The following COL10A1 variants were observed in gnomAD, a reference collection of about 807,000 sequenced individuals.
COL10A1 encodes collagen alpha-1(X) chain.
A neutral mutation model predicts 18.2 loss-of-function variants in COL10A1; 10 were observed. That is an observed-to-expected ratio of 0.55 (90% confidence interval 0.34 to 0.93). The LOEUF (loss-of-function observed/expected upper bound fraction) is 0.93, where lower values mean the gene tolerates loss of function less well. COL10A1 is among the 40% of genes least tolerant of loss of function. The pLI, the probability that COL10A1 is intolerant of heterozygous loss-of-function variation, is 0.02. For missense variants in COL10A1, 897 were observed against 853.5 expected, an observed-to-expected ratio of 1.05 and a Z score of -0.64; for synonymous variants, 330 against 316.6, an observed-to-expected ratio of 1.04 and a Z score of -0.45.
At chr6:116,145,884 A>G (rs757047325) in intron 1 of COL10A1, among the ~76,000 whole-genome samples, 2 of 152,232 alleles carry the variant, frequency 1.3e-5, no homozygotes, top group Non-Finnish European at 2.9e-5. Flanking sequence ...CATTTATGTG[A>G]TGGTATTTGA....
intron 1 of COL10A1, among the ~76,000 whole-genome samples, chr6:116,153,411 T>A (rs1780101280): frequency 6.6e-6 from 1 of 152,176 alleles, no homozygotes; most frequent in Admixed American, 6.5e-5. Flanking sequence ...GATGATACAT[T>A]CAGTTATCTT....
the COL10A1 span, among the ~76,000 whole-genome samples, chr6:116,194,057 AC>A: frequency 6.6e-6 from 1 of 152,006 alleles, no homozygotes; most frequent in African/African-American, 2.4e-5. Context: ...AACAACAACA[AC>A]AACAAAAGAA....
upstream of COL10A1, among the ~76,000 whole-genome samples, chr6:116,128,885 T>C (rs1206810376): frequency 1.3e-5 from 2 of 152,192 alleles, no homozygotes; most frequent in East Asian, 1.9e-4. Flanking sequence ...ATTAGTTACA[T>C]TGGTTTTTGT....
chr6:116,146,645 AGTTAT>A (rs1312153282), intron 1 of COL10A1, among the ~76,000 whole-genome samples: 2 of 152,370 alleles, frequency 1.3e-5, no homozygotes, highest in Admixed American at 6.5e-5. Flanking sequence ...AGTTTCCTAT[AGTTAT>A]GTTATAACTT....
Position 116,120,916 on chromosome 6 carries a change from C to A in COL10A1, c.1200G>T (p.Lys400Asn). The A allele has an allele frequency of 6.2e-7, 1 of 1,613,930 alleles. No homozygotes were observed. The highest frequency in any genetic ancestry group is 8.5e-7 in the Non-Finnish European group (1 of 1,179,918). The change falls in exon 3 of 3, where the codon AAG becomes AAT. Residue 400 changes from lysine to asparagine, a missense_variant. By Grantham distance (94) the Lys-to-Asn change is moderately conservative. Coordinates refer to ENST00000651968, the MANE Select transcript of COL10A1 (RefSeq NM_000493.4). ...TTGGACCTGGTAACCCTGGGTTACCCTTAGGACCATCGAGACCTGGTTTTC... is the reference window on the plus strand; with the variant it reads ...TTGGACCTGGTAACCCTGGGTTACCATTAGGACCATCGAGACCTGGTTTTC... ...YPGKPGLDGP[K>N]GNPGLPGPKG... is the part of the protein sequence containing the mutation.
In COL10A1 at chr6:116,120,251, A is replaced by G. The variant is rs1779071848; in HGVS notation, c.1865T>C (p.Met622Thr). 3 of 1,614,106 alleles carry G rather than the reference A, an allele frequency of 1.9e-6. No homozygotes were observed. The highest frequency in any genetic ancestry group is 2.5e-6 in the Non-Finnish European group (3 of 1,180,038). The part of the protein sequence containing the change: ...VGLYKNGTPV[M>T]YTYDEYTKGY... ...TTTGGTGTATTCATCATAGGTGTAC[A>G]TTACAGGGGTGCCATTCTTATACAG... Residue 622 changes from methionine to threonine, a missense_variant, in exon 3 of 3, where the codon ATG (methionine) becomes ACG (threonine). Physicochemically the swap from Met to Thr is moderately conservative, Grantham distance 81. Transcript: ENST00000651968.
At chr6:116,135,863 A>ATGTGTATATATATATATATGTATG (rs1562132679) in intron 1 of COL10A1, among the ~76,000 whole-genome samples, 1 of 124,916 alleles carries the variant, frequency 8.0e-6, no homozygotes, top group African/African-American at 3.2e-5. Flanking sequence ...ATATATATAT[A>ATGTGTATATATATATATATGTATG]TATATATATA....
In COL10A1 at chr6:116,121,642, A is replaced by G; in HGVS notation, c.474T>C (p.Pro158=). ...GGGCTCCTGTGGGTCCCTGTTGTCC[A>G]GGTTTTCCTGGCACAGAAATTCCAG... ...GPAGISVPGK[P]GQQGPTGAPG... The change falls in exon 3 of 3, where the codon CCT becomes CCC. Residue 158 remains proline, a synonymous_variant. Transcript: ENST00000651968. 1.2e-6 allele frequency: 2 copies of G among 1,613,728 alleles called. No homozygotes were observed. Among genetic ancestry groups the G allele is most frequent in the South Asian group, 1.1e-5 (1 of 91,054 alleles).
chr6:116,198,325 T>G, the COL10A1 span, among the ~76,000 whole-genome samples: 1 of 152,188 alleles, frequency 6.6e-6, no homozygotes, highest in East Asian at 1.9e-4. Context: ...ATGGCTTATA[T>G]GGAGATAGGC....
intron 1 of COL10A1, among the ~76,000 whole-genome samples, chr6:116,157,150 T>C (rs9488854): frequency 0.026 from 3,975 of 152,288 alleles, 159 homozygotes; most frequent in African/African-American, 0.09. Context: ...AACTAACCTT[T>C]GGTAATATGT....
At chr6:116,189,539 G>A in the COL10A1 span, among the ~76,000 whole-genome samples, 16 of 151,944 alleles carry the variant, frequency 1.1e-4, 1 homozygote, top group Admixed American at 6.6e-4. Context: ...ACATATAAAC[G>A]AATGAGTATT....
At position 116,121,637 on chromosome 6, in the gene COL10A1, TGTC is replaced by T; in HGVS notation, c.476_478del (p.Gly159_Gln160delinsGlu). The T allele has an allele frequency of 6.2e-7, 1 of 1,613,920 alleles. No homozygotes were observed. The highest frequency in any genetic ancestry group is 8.5e-7 in the Non-Finnish European group (1 of 1,179,874). Reference sequence around the variant, plus strand: ...TCCTGGGGCTCCTGTGGGTCCCTGTTGTCCAGGTTTTCCTGGCACAGAAATTCC... The same window carrying T: ...TCCTGGGGCTCCTGTGGGTCCCTGTTCAGGTTTTCCTGGCACAGAAATTCC... On this transcript the variant is annotated inframe_deletion, in exon 3 of 3. Transcript: ENST00000651968.
intron 1 of COL10A1, among the ~76,000 whole-genome samples, chr6:116,132,329 G>A (rs1779489108): frequency 6.6e-6 from 1 of 152,162 alleles, no homozygotes. Flanking sequence ...CTTACTGAAA[G>A]CATGGTTGAG....
At chr6:116,130,338 C>T (rs1278203094), upstream of COL10A1, among the ~76,000 whole-genome samples, 4 of 152,100 alleles carry the variant, frequency 2.6e-5, no homozygotes, top group Middle Eastern at 3.4e-3. Context: ...TGTTTCAGTC[C>T]GTGGCACTTA....
chr6:116,183,088 A>G, the COL10A1 span, among the ~76,000 whole-genome samples: 2 of 152,138 alleles, frequency 1.3e-5, no homozygotes, highest in African/African-American at 2.4e-5. Context: ...GTTCTTCTAC[A>G]TGTGGCTTGT....
the COL10A1 span, among the ~76,000 whole-genome samples, chr6:116,188,142 G>A: frequency 2.6e-5 from 4 of 151,978 alleles, no homozygotes; most frequent in African/African-American, 9.7e-5. Context: ...GTTCAATGAG[G>A]TACCACTAGA....
rs769437062 is a variant in COL10A1, at chr6:116,120,240, C to A, written c.1876G>T (p.Asp626Tyr). The change falls in exon 3 of 3, where the codon GAT (aspartate) becomes TAT (tyrosine). Residue 626 changes from aspartate (D) to tyrosine (Y), a missense_variant. Physicochemically the swap from Asp to Tyr is radical, Grantham distance 160. Coordinates refer to ENST00000651968, the MANE Select transcript of COL10A1 (RefSeq NM_000493.4). ...TCCAGGTAGCCTTTGGTGTATTCAT[C>A]ATAGGTGTACATTACAGGGGTGCCA... ...KNGTPVMYTY[D>Y]EYTKGYLDQA... The A allele has an allele frequency of 1.9e-6, 3 of 1,614,192 alleles. No homozygotes were observed. The South Asian group carries it at 3.3e-5, about 18-fold the overall frequency.
chr6:116,215,088 A>G, the COL10A1 span, among the ~76,000 whole-genome samples: 64,618 of 151,930 alleles, frequency 0.43, 17,725 homozygotes, highest in African/African-American at 0.78. Flanking sequence ...AATGATTAAA[A>G]GAGTGGAAAT....
At chr6:116,180,446 C>T in the COL10A1 span, among the ~76,000 whole-genome samples, 1 of 151,930 alleles carries the variant, frequency 6.6e-6, no homozygotes, top group Non-Finnish European at 1.5e-5. Flanking sequence ...AAATAATGGA[C>T]CTAGGTAGTG....
Sources: gnomAD v4.1 joint callset for allele counts (sites outside exome capture counted in the v4.1 genomes callset) on GRCh38, gnomAD v4.1.1 for gene constraint, MANE v1.5 for transcripts, NCBI Gene and HGNC (gene_info 2026-07-23, HGNC 2026-07-21) for gene names.